The following PTPRG variants were observed in gnomAD, a reference collection of about 807,000 sequenced individuals.
PTPRG encodes receptor-type tyrosine-protein phosphatase gamma.
PTPRG carries 102 observed loss-of-function variants against 165.3 expected under a neutral mutation model. The ratio of observed to expected loss-of-function variants is 0.62; its 90% confidence interval spans 0.53 to 0.73. The LOEUF is 0.73. PTPRG is among the 30% of genes least tolerant of loss of function. The pLI is 0.00. For missense variants in PTPRG, 1,866 were observed against 1,861.4 expected (o/e 1.00, Z -0.05); for synonymous variants, 675 against 669.5 (o/e 1.01, Z -0.13).
intron 2 of PTPRG, among the ~76,000 whole-genome samples, chr3:61,927,426 G>T (rs778893264): frequency 5.9e-5 from 9 of 152,138 alleles, no homozygotes; most frequent in Non-Finnish European, 1.2e-4. Flanking sequence ...GTGGAGAGAG[G>T]CCTATTGGAG....
intron 1 of PTPRG, among the ~76,000 whole-genome samples, chr3:61,681,845 T>C (rs1391012558): frequency 6.6e-6 from 1 of 152,062 alleles, no homozygotes; most frequent in Non-Finnish European, 1.5e-5. Context: ...TTCATTTTCT[T>C]GATGACTGAA....
chr3:61,892,639 A>C (rs2038245056), intron 2 of PTPRG, among the ~76,000 whole-genome samples: 1 of 152,076 alleles, frequency 6.6e-6, no homozygotes, highest in Non-Finnish European at 1.5e-5. Flanking sequence ...CAACATGGAG[A>C]AACCCCTTCT....
intron 2 of PTPRG, among the ~76,000 whole-genome samples, chr3:61,784,172 G>A (rs1259954937): frequency 6.6e-6 from 1 of 152,130 alleles, no homozygotes; most frequent in East Asian, 1.9e-4. Context: ...TTGGAAGGAG[G>A]TGAATAATTG....
At chr3:61,845,846 A>G (rs1260023980) in intron 2 of PTPRG, among the ~76,000 whole-genome samples, 2 of 148,200 alleles carry the variant, frequency 1.3e-5, no homozygotes, top group African/African-American at 5.1e-5. Flanking sequence ...TTGTGAGTGG[A>G]GGTTGTTTCC....
intron 2 of PTPRG, chr3:61,749,703 A>G (rs2033356391): frequency 6.5e-6 from 1 of 154,154 alleles, no homozygotes; most frequent in African/African-American, 2.4e-5. Flanking sequence ...TTGATGCTCA[A>G]AAATATATGG....
chr3:61,887,170 A>ATATATT (rs60282456), intron 2 of PTPRG, among the ~76,000 whole-genome samples: 17 of 115,530 alleles, frequency 1.5e-4, no homozygotes, highest in East Asian at 3.3e-4. Flanking sequence ...ATATATATAT[A>ATATATT]TTTTTAATGC....
chr3:61,568,838 G>GCAGA (rs1168948758), intron 1 of PTPRG, among the ~76,000 whole-genome samples: 1 of 151,644 alleles, frequency 6.6e-6, no homozygotes, highest in African/African-American at 2.4e-5. Context: ...AACCCAGGAG[G>GCAGA]CAGAGGTTGC....
At chr3:62,163,444 TC>T (rs1302782347) in intron 7 of PTPRG, among the ~76,000 whole-genome samples, 1 of 152,058 alleles carries the variant, frequency 6.6e-6, no homozygotes, top group Non-Finnish European at 1.5e-5. Context: ...CTGCTAGTGT[TC>T]ATGATATAAT....
intron 1 of PTPRG, among the ~76,000 whole-genome samples, chr3:61,635,106 A>G (rs1049805185): frequency 2.0e-5 from 3 of 152,138 alleles, no homozygotes; most frequent in South Asian, 2.1e-4. Flanking sequence ...TGAGCATGCA[A>G]TAAAGACTTA....
At chr3:61,895,095 T>A (rs2038317577) in intron 2 of PTPRG, among the ~76,000 whole-genome samples, 1 of 152,178 alleles carries the variant, frequency 6.6e-6, no homozygotes, top group African/African-American at 2.4e-5. Context: ...CTGATGAGAA[T>A]CACTCCTCAG....
At chr3:61,634,237 A>G (rs1173558048) in intron 1 of PTPRG, among the ~76,000 whole-genome samples, 1 of 151,148 alleles carries the variant, frequency 6.6e-6, no homozygotes, top group Admixed American at 6.6e-5. Flanking sequence ...GGTGTGAGCC[A>G]CCAAACTGCC....
chr3:62,009,195 G>C (rs1215197016), intron 4 of PTPRG, among the ~76,000 whole-genome samples: 2 of 152,140 alleles, frequency 1.3e-5, no homozygotes, highest in Non-Finnish European at 2.9e-5. Context: ...CCTATTGAGT[G>C]ACTTCAATGT....
chr3:62,132,278 CT>C (rs1172918270), intron 5 of PTPRG, among the ~76,000 whole-genome samples: 1 of 152,162 alleles, frequency 6.6e-6, no homozygotes, highest in Non-Finnish European at 1.5e-5. Flanking sequence ...CTTTCAATGA[CT>C]TTTTAGCCGA....
intron 23 of PTPRG, among the ~76,000 whole-genome samples, chr3:62,274,723 T>C (rs1024879370): frequency 1.3e-5 from 2 of 152,048 alleles, no homozygotes; most frequent in African/African-American, 4.8e-5. Context: ...AAATGAAAAA[T>C]AGTTTAATTT....
chr3:61,968,569 A>C (rs567331536), intron 2 of PTPRG, among the ~76,000 whole-genome samples: 7 of 152,220 alleles, frequency 4.6e-5, no homozygotes, highest in African/African-American at 1.7e-4. Flanking sequence ...TGCCTTTGGC[A>C]TTATCTGAGA....
At chr3:61,880,085 T>A (rs934043593) in intron 2 of PTPRG, among the ~76,000 whole-genome samples, 5 of 152,208 alleles carry the variant, frequency 3.3e-5, no homozygotes, top group Non-Finnish European at 7.3e-5. Context: ...AGTTTTTGAT[T>A]CCAGTAATAC....
intron 2 of PTPRG, among the ~76,000 whole-genome samples, chr3:61,930,340 C>T (rs2039327545): frequency 1.3e-5 from 2 of 152,164 alleles, no homozygotes; most frequent in Admixed American, 1.3e-4. Context: ...GACCCAGGGA[C>T]ACCAACGAGT....
rs1171522517 is a variant in PTPRG, at chr3:61,995,681, CGCCTTCCTTCCT to C, written c.370+5878_370+5889del. On this transcript the variant is annotated intron_variant, in intron 3 of 29. Coordinates refer to ENST00000474889, the MANE Select transcript of PTPRG (RefSeq NM_002841.4). ...TAGGCTTTCCGCCTGCCTGCCCGCC[CGCCTTCCTTCCT>C]TCCTTCCTTCCTTCCTTCCTTCCTT... 2.1e-3 allele frequency among the ~76,000 whole-genome samples: 187 copies of C among 90,588 alleles called. 2 individuals are homozygous for C. The highest frequency in any genetic ancestry group is 0.011 in the Middle Eastern group (2 of 176). 59.4% of individuals were successfully genotyped at this position (90,588 alleles called of 152,430 possible). A position where few individuals can be genotyped will look rare whatever the true frequency, so the allele number is the denominator to read the frequency against.
At chr3:61,667,641 A>G (rs138976697) in intron 1 of PTPRG, among the ~76,000 whole-genome samples, 1 of 152,256 alleles carries the variant, frequency 6.6e-6, no homozygotes. Flanking sequence ...GCCCAGAATT[A>G]CCGGCTAATA....
Sources: gnomAD v4.1 joint callset for allele counts (sites outside exome capture counted in the v4.1 genomes callset) on GRCh38, gnomAD v4.1.1 for gene constraint, MANE v1.5 for transcripts, NCBI Gene and HGNC (gene_info 2026-07-23, HGNC 2026-07-21) for gene names.